Variants in RPL34 observed in about 807,000 individuals in gnomAD.
RPL34 encodes large ribosomal subunit protein eL34.
In RPL34, 2 loss-of-function variants were observed where a neutral mutation model predicts 16.3. The ratio of observed to expected loss-of-function variants is 0.12; its 90% confidence interval spans 0.05 to 0.39. The LOEUF (loss-of-function observed/expected upper bound fraction) is 0.39. Ranked by LOEUF, RPL34 falls within the 10% of genes least tolerant of loss-of-function variation. RPL34 has a pLI of 0.99. For synonymous variants in RPL34, 47 were observed against 48.5 expected (o/e 0.97, Z 0.13); for missense variants, 82 against 148.8 (o/e 0.55, Z 2.33).
At chr4:108,628,356 T>G (rs1264324174), downstream of RPL34, among the ~76,000 whole-genome samples, 1 of 152,196 alleles carries the variant, frequency 6.6e-6, no homozygotes, top group Non-Finnish European at 1.5e-5. Context: ...TGTGACTGTG[T>G]TTTATTGTAT....
At chr4:108,630,459 G>T (rs543643801), downstream of RPL34, 3 of 152,252 alleles carry the variant, frequency 2.0e-5, no homozygotes, top group Admixed American at 2.0e-4. Flanking sequence ...GAAGGGAAAA[G>T]AATTAAAAAT....
intron 4 of RPL34, among the ~76,000 whole-genome samples, chr4:108,624,083 T>C (rs1725894048): frequency 6.6e-6 from 1 of 152,158 alleles, no homozygotes; most frequent in Non-Finnish European, 1.5e-5. Flanking sequence ...AGTCTTTGGT[T>C]CTAAAACTTT....
In RPL34 at chr4:108,620,614, T is replaced by A; in HGVS notation, c.-10+14T>A. 3.4e-6 allele frequency: 1 copy of A among 293,726 alleles called. No individual in the cohort carries two copies. The highest frequency in any genetic ancestry group is 6.9e-6 in the Non-Finnish European group (1 of 144,578). The allele number at this position is 293,726 out of a possible 1,614,324, so 18.2% of individuals were successfully genotyped here. A position where few individuals can be genotyped will look rare whatever the true frequency, so the allele number is the denominator to read the frequency against. ...CGTTGTCTGCAGGTATGGATGTTGT[T>A]CTCTTTTCCCTGTCTTTATTTCCTT... On this transcript the variant is annotated intron_variant, in intron 1 of 4. Transcript: ENST00000394667.
intron 4 of RPL34, among the ~76,000 whole-genome samples, chr4:108,624,624 A>T (rs1725922482): frequency 6.6e-6 from 1 of 152,176 alleles, no homozygotes; most frequent in Non-Finnish European, 1.5e-5. Context: ...AGAGAAGGTA[A>T]CTTGTCCAGT....
At chr4:108,630,344 T>C (rs555088277), downstream of RPL34, 8 of 152,324 alleles carry the variant, frequency 5.3e-5, no homozygotes, top group African/African-American at 1.9e-4. Flanking sequence ...TAAGTACTTA[T>C]TAATACTTCG....
chr4:108,628,097 A>G (rs1033188656), downstream of RPL34, among the ~76,000 whole-genome samples: 28 of 152,284 alleles, frequency 1.8e-4, no homozygotes, highest in Middle Eastern at 3.4e-3. Flanking sequence ...AGCATAATCA[A>G]TGATAGCTGG....
chr4:108,626,331 T>C (rs111800761), downstream of RPL34, among the ~76,000 whole-genome samples: 911 of 152,154 alleles, frequency 6.0e-3, 6 homozygotes, highest in African/African-American at 0.021. Flanking sequence ...AGTTTCACCA[T>C]GTTCCTAGGC....
chr4:108,622,337 A>G, intron 3 of RPL34, 133 bp downstream of exon 3: 1 of 826,180 alleles, frequency 1.2e-6, no homozygotes, highest in Non-Finnish European at 2.0e-6. Context: ...CATGAGCCAA[A>G]TCTGCCACGA....
At chr4:108,629,829 A>T (rs1264560295), downstream of RPL34, among the ~76,000 whole-genome samples, 2 of 152,236 alleles carry the variant, frequency 1.3e-5, no homozygotes, top group Non-Finnish European at 2.9e-5. Context: ...CCCAGTGATT[A>T]AGAGCTTGGG....
chr4:108,625,269 T>C lies in RPL34; in HGVS notation c.*57T>C, dbSNP rs1725961359. ...AAAAGACGCTGTATGTATGACTTTTTTTTTTTCTGTTGTAATGTGTTAGTA... is the reference window on the plus strand; with the variant it reads ...AAAAGACGCTGTATGTATGACTTTTCTTTTTTCTGTTGTAATGTGTTAGTA... On this transcript the variant is annotated 3_prime_UTR_variant, in exon 5 of 5. Coordinates refer to ENST00000394667, the MANE Select transcript of RPL34 (RefSeq NM_001319236.2). 1 of 1,037,464 alleles carries C rather than the reference T, an allele frequency of 9.6e-7. No homozygotes were observed. The highest frequency in any genetic ancestry group is 1.5e-6 in the Non-Finnish European group (1 of 688,716). 64.3% of individuals were successfully genotyped at this position (1,037,464 alleles called of 1,614,324 possible).
chr4:108,622,770 C>G (rs1217321523), intron 4 of RPL34, 152 bp downstream of exon 4: 1 of 487,626 alleles, frequency 2.1e-6, no homozygotes, highest in Non-Finnish European at 3.7e-6. Context: ...CTGCACAAAG[C>G]AGGAAATGAT....
chr4:108,623,553 GCACATGCCAC>G (rs1462116912), intron 4 of RPL34, among the ~76,000 whole-genome samples: 1 of 152,114 alleles, frequency 6.6e-6, no homozygotes, highest in Non-Finnish European at 1.5e-5. Flanking sequence ...GGGACTGCAG[GCACATGCCAC>G]CACACTTGAC....
chr4:108,629,842 T>A (rs1726121770), downstream of RPL34, among the ~76,000 whole-genome samples: 1 of 152,222 alleles, frequency 6.6e-6, no homozygotes, highest in Admixed American at 6.5e-5. Context: ...AGCTTGGGCT[T>A]CCAGAATTTT....
chr4:108,630,444 G>A (rs1243728057), downstream of RPL34: 1 of 152,166 alleles, frequency 6.6e-6, no homozygotes, highest in Non-Finnish European at 1.5e-5. Flanking sequence ...TTCTCTGTAT[G>A]AATGGAAGGG....
chr4:108,625,665 G>A (rs1377131337), downstream of RPL34: 1 of 154,620 alleles, frequency 6.5e-6, no homozygotes, highest in East Asian at 1.9e-4. Context: ...GTGTTAAGGT[G>A]CGAGCCGCAG....
downstream of RPL34, among the ~76,000 whole-genome samples, chr4:108,625,757 G>A (rs1276978542): frequency 6.6e-6 from 1 of 152,152 alleles, no homozygotes; most frequent in African/African-American, 2.4e-5. Flanking sequence ...CAGCTCTACC[G>A]CTGCATTGGA....
downstream of RPL34, among the ~76,000 whole-genome samples, chr4:108,629,507 C>A (rs541429230): frequency 1.1e-4 from 17 of 152,322 alleles, no homozygotes; most frequent in African/African-American, 3.1e-4. Flanking sequence ...AGTAACGACT[C>A]TGTCCAAGTG....
In RPL34 at chr4:108,622,606, G is replaced by A. The variant is rs750715658; in HGVS notation, c.257G>A (p.Cys86Tyr). The A allele has an allele frequency of 1.9e-6, 3 of 1,593,694 alleles. No individual in the cohort carries two copies. The highest frequency in any genetic ancestry group is 1.7e-6 in the Non-Finnish European group (2 of 1,172,896). ...TATGGTGGTTCCATGTGTGCTAAATGTGTTCGTGACAGGTAAGTTAAATGC... is the reference window on the plus strand; with the variant it reads ...TATGGTGGTTCCATGTGTGCTAAATATGTTCGTGACAGGTAAGTTAAATGC... ...RAYGGSMCAK[C>Y]VRDRIKRAFL... Residue 86 changes from cysteine to tyrosine, a missense_variant, in exon 4 of 5, where the codon TGT becomes TAT. Cys to Tyr is a radical substitution (Grantham distance 194). Coordinates refer to ENST00000394667, the MANE Select transcript of RPL34 (RefSeq NM_001319236.2).
At chr4:108,621,911 T>C (rs1560612261) in intron 1 of RPL34, 40 bp from the exon 2 acceptor site, 2 of 1,346,416 alleles carry the variant, frequency 1.5e-6, no homozygotes, top group East Asian at 2.3e-5. Flanking sequence ...TATTTACTTT[T>C]ACAATGGAAA....
Sources: gnomAD v4.1 joint callset for allele counts (sites outside exome capture counted in the v4.1 genomes callset) on GRCh38, gnomAD v4.1.1 for gene constraint, MANE v1.5 for transcripts, NCBI Gene and HGNC (gene_info 2026-07-23, HGNC 2026-07-21) for gene names.